The following MYO9A variants were observed in gnomAD, a reference collection of about 807,000 sequenced individuals.
The protein encoded by MYO9A is unconventional myosin-IXa.
In MYO9A, 103 loss-of-function variants were observed where a neutral mutation model predicts 293.3. That is an observed-to-expected ratio of 0.35 (90% CI 0.30 to 0.41). MYO9A has a LOEUF of 0.41. Ranked by LOEUF, MYO9A falls within the 10% of genes least tolerant of loss-of-function variation. The pLI is 1.00. For synonymous variants in MYO9A, 1,001 were observed against 1,035.7 expected (o/e 0.97, Z 0.64); for missense variants, 2,685 against 3,033.0 (o/e 0.89, Z 2.69).
chr15:71,854,682 G>C (rs2055794096), intron 34 of MYO9A, 113 bp from the exon 35 acceptor site: 1 of 749,320 alleles, frequency 1.3e-6, no homozygotes, highest in Admixed American at 3.4e-5. Context: ...TATGAGCATA[G>C]TTAGAAGAGT....
At chr15:71,893,477 T>G (rs910442856) in intron 26 of MYO9A, 4 of 596,434 alleles carry the variant, frequency 6.7e-6, no homozygotes, top group Non-Finnish European at 1.2e-5. Context: ...CTTCTTTTTC[T>G]TAGCAACTGG....
At chr15:71,885,612 G>T (rs184074818) in intron 27 of MYO9A, among the ~76,000 whole-genome samples, 3 of 152,084 alleles carry the variant, frequency 2.0e-5, no homozygotes, top group African/African-American at 7.2e-5. Flanking sequence ...TTTCATCATT[G>T]TAACAGATTC....
At chr15:71,976,568 C>A (rs755748409) in intron 12 of MYO9A, among the ~76,000 whole-genome samples, 1 of 152,128 alleles carries the variant, frequency 6.6e-6, no homozygotes, top group Non-Finnish European at 1.5e-5. Context: ...GTTCTCAACA[C>A]GGAATATCAA....
Position 71,830,327 on chromosome 15 carries a change from C to T in MYO9A, c.6838-16G>A. The T allele has an allele frequency of 6.2e-7, 1 of 1,611,818 alleles. No homozygotes were observed. Among genetic ancestry groups the T allele is most frequent in the South Asian group, 1.1e-5 (1 of 90,908 alleles). ...GCCCCTTTCCCTGCAGAGAAAAATT[C>T]ATGTTAGAAAGTAAATTGAGTGACT... On this transcript the variant is annotated splice_polypyrimidine_tract_variant and intron_variant, in intron 39 of 41. Transcript: ENST00000356056.
At chr15:71,840,991 A>ATGT (rs1245703265) in intron 39 of MYO9A, among the ~76,000 whole-genome samples, 1 of 152,142 alleles carries the variant, frequency 6.6e-6, no homozygotes, top group East Asian at 1.9e-4. Context: ...TTGGTATTTG[A>ATGT]TGTTGATGTT....
At chr15:71,962,004 G>C (rs1474689370) in intron 13 of MYO9A, among the ~76,000 whole-genome samples, 1 of 152,100 alleles carries the variant, frequency 6.6e-6, no homozygotes, top group African/African-American at 2.4e-5. Context: ...AATTACAGGT[G>C]TAAGCCATTG....
intron 3 of MYO9A, among the ~76,000 whole-genome samples, 176 bp downstream of exon 3, chr15:72,032,318 T>C (rs955024810): frequency 3.9e-5 from 6 of 152,202 alleles, no homozygotes; most frequent in Admixed American, 1.3e-4. Context: ...GACTGTTACA[T>C]TGGTGTTAAA....
chr15:72,066,155 C>G (rs1292172425), intron 1 of MYO9A, among the ~76,000 whole-genome samples: 1 of 152,224 alleles, frequency 6.6e-6, no homozygotes, highest in Non-Finnish European at 1.5e-5. Flanking sequence ...GAAACAAATA[C>G]TTGAGTACCA....
At chr15:72,074,087 A>T (rs185359965) in intron 1 of MYO9A, among the ~76,000 whole-genome samples, 130 of 152,342 alleles carry the variant, frequency 8.5e-4, no homozygotes, top group Middle Eastern at 3.4e-3. Context: ...TTACACATAA[A>T]AAATGAAGTC....
At chr15:71,975,075 G>A (rs1003846601) in intron 12 of MYO9A, among the ~76,000 whole-genome samples, 4 of 152,126 alleles carry the variant, frequency 2.6e-5, no homozygotes, top group Non-Finnish European at 4.4e-5. Context: ...GTATGTTTGC[G>A]GAGACTGCTC....
In MYO9A at chr15:71,878,118, T is replaced by C. The variant is rs760868660; in HGVS notation, c.5853A>G (p.Arg1951=). Reference sequence around the variant, plus strand: ...ACACTTTAAAAGTGTTGACCCAAACTCTCACTGGAGATTCACCCAGTGAAT... The same window carrying C: ...ACACTTTAAAAGTGTTGACCCAAACCCTCACTGGAGATTCACCCAGTGAAT... ...QRDSLGESPV[R]VWVNTFKVFL... Residue 1951 remains arginine, a synonymous_variant, in exon 31 of 42, where the codon AGA becomes AGG. Coordinates refer to ENST00000356056, the MANE Select transcript of MYO9A (RefSeq NM_006901.4). The C allele has an allele frequency of 6.2e-7, 1 of 1,611,992 alleles. No individual in the cohort carries two copies. The highest frequency in any genetic ancestry group is 2.2e-5 in the East Asian group (1 of 44,852).
chr15:72,010,710 C>A (rs1220220213), intron 6 of MYO9A, among the ~76,000 whole-genome samples: 1 of 152,150 alleles, frequency 6.6e-6, no homozygotes, highest in African/African-American at 2.4e-5. Flanking sequence ...CAAAAGTTAA[C>A]TTAAGATAAA....
In MYO9A at chr15:71,905,004, T is replaced by C; in HGVS notation, c.2688A>G (p.Ala896=). 1 of 1,601,618 alleles carries C rather than the reference T, an allele frequency of 6.2e-7. No individual in the cohort carries two copies. The highest frequency in any genetic ancestry group is 8.5e-7 in the Non-Finnish European group (1 of 1,171,510). The change falls in exon 20 of 42, where the codon GCA becomes GCG. Residue 896 remains alanine (A), a splice_region_variant and synonymous_variant. Coordinates refer to ENST00000356056, the MANE Select transcript of MYO9A (RefSeq NM_006901.4). ...GTGTTTCCATTAGCTTGCTTAATGA[T>C]GCCTGCAACAGAAAGCAATATAATT... is the stretch of plus-strand genomic sequence containing the variant. ...KPPSISAQFQ[A]SLSKLMETLG...
intron 41 of MYO9A, 82 bp from the exon 42 acceptor site, chr15:71,827,125 C>T: frequency 9.1e-7 from 1 of 1,094,378 alleles, no homozygotes; most frequent in Non-Finnish European, 1.3e-6. Context: ...TGCCACTGTT[C>T]ACACATGAAA....
intron 19 of MYO9A, among the ~76,000 whole-genome samples, chr15:71,913,361 T>C (rs1175664010): frequency 1.3e-5 from 2 of 152,192 alleles, no homozygotes; most frequent in Admixed American, 6.5e-5. Flanking sequence ...ATGGCCCTTA[T>C]TGGTTGCAAC....
At chr15:72,003,041 G>A (rs1211784028) in intron 8 of MYO9A, among the ~76,000 whole-genome samples, 3 of 151,986 alleles carry the variant, frequency 2.0e-5, no homozygotes, top group Admixed American at 6.5e-5. Context: ...AGACCGAGGC[G>A]GGAGGATCAC....
intron 18 of MYO9A, among the ~76,000 whole-genome samples, chr15:71,924,576 G>C (rs2058242632): frequency 6.6e-6 from 1 of 152,016 alleles, no homozygotes; most frequent in Admixed American, 6.6e-5. Flanking sequence ...ATTGAGACTT[G>C]TTTTGTGGCC....
intron 1 of MYO9A, among the ~76,000 whole-genome samples, chr15:72,092,344 T>A (rs146742631): frequency 1.0e-3 from 159 of 152,300 alleles, no homozygotes; most frequent in Non-Finnish European, 1.8e-3. Context: ...AAAAGAATGA[T>A]GGGAGAAAGG....
Position 71,898,987 on chromosome 15 carries a change from T to A in MYO9A, c.3516A>T (p.Glu1172Asp). Reference sequence around the variant, plus strand: ...ATCCCTTAATATTCACCAATCCAACTTCTGGCTTTGTTTCTCTTAGCCTTT... The same window carrying A: ...ATCCCTTAATATTCACCAATCCAACATCTGGCTTTGTTTCTCTTAGCCTTT... The part of the protein sequence containing the change: ...KEQRLRETKP[E>D]VGLVNIKGYG... The change falls in exon 25 of 42, where the codon GAA becomes GAT. Residue 1172 changes from glutamate (E) to aspartate (D), a missense_variant. Coordinates refer to ENST00000356056, the MANE Select transcript of MYO9A (RefSeq NM_006901.4). 6.2e-7 allele frequency: 1 copy of A among 1,613,032 alleles called. No individual in the cohort carries two copies. The highest frequency in any genetic ancestry group is 8.5e-7 in the Non-Finnish European group (1 of 1,179,340).
Sources: gnomAD v4.1 joint callset for allele counts (sites outside exome capture counted in the v4.1 genomes callset) on GRCh38, gnomAD v4.1.1 for gene constraint, MANE v1.5 for transcripts, NCBI Gene and HGNC (gene_info 2026-07-23, HGNC 2026-07-21) for gene names.